TRPC6: variants seen among roughly 807,000 people sequenced by gnomAD.
The protein encoded by TRPC6 is short transient receptor potential channel 6.
TRPC6 carries 55 observed loss-of-function variants against 90.7 expected under a neutral mutation model. That is an observed-to-expected ratio of 0.61 (90% CI 0.49 to 0.76). The LOEUF (loss-of-function observed/expected upper bound fraction) is 0.76. Among genes scored for constraint, TRPC6 ranks in the 30% least tolerant of loss-of-function variants. The pLI is 0.00. For missense variants in TRPC6, 989 were observed against 1,122.7 expected (o/e 0.88, Z 1.70); for synonymous variants, 393 against 393.0 (o/e 1.00, Z 0.00).
chr11:101,558,243 A>G (rs1310529477), intron 1 of TRPC6, among the ~76,000 whole-genome samples: 6 of 128,362 alleles, frequency 4.7e-5, no homozygotes, highest in African/African-American at 1.6e-4. Context: ...ATGGGTATAC[A>G]TGTATATATG....
At chr11:101,453,548 T>C in intron 12 of TRPC6, 102 bp downstream of exon 12, 1 of 1,137,788 alleles carries the variant, frequency 8.8e-7, no homozygotes, top group Non-Finnish European at 1.3e-6. Flanking sequence ...CCCTTGAAGT[T>C]CACTCTCCCT....
intron 1 of TRPC6, among the ~76,000 whole-genome samples, chr11:101,536,034 A>C (rs1482184997): frequency 6.6e-6 from 1 of 152,240 alleles, no homozygotes; most frequent in Non-Finnish European, 1.5e-5. Context: ...GTGGGAAATA[A>C]GCAGACAGAC....
intron 1 of TRPC6, among the ~76,000 whole-genome samples, chr11:101,528,598 A>G (rs1591113130): frequency 6.6e-6 from 1 of 152,190 alleles, no homozygotes. Context: ...TTACTATTGT[A>G]TTATTGCTTG....
At chr11:101,574,301 AT>A (rs1305732349) in intron 1 of TRPC6, among the ~76,000 whole-genome samples, 1 of 151,152 alleles carries the variant, frequency 6.6e-6, no homozygotes, top group African/African-American at 2.5e-5. Context: ...AATTATGTGC[AT>A]AAGAGTTATA....
chr11:101,478,473 G>C (rs1316969699), intron 5 of TRPC6, among the ~76,000 whole-genome samples: 1 of 102,714 alleles, frequency 9.7e-6, no homozygotes, highest in Non-Finnish European at 2.0e-5. Context: ...TGTTTTCAAA[G>C]CTTCCTCCCA....
chr11:101,504,790 G>C lies in TRPC6; in HGVS notation c.179C>G (p.Ser60Cys), dbSNP rs775385197. 26 of 1,611,726 alleles carry C rather than the reference G, an allele frequency of 1.6e-5. No homozygotes were observed. Among genetic ancestry groups the C allele is most frequent in the Non-Finnish European group, 2.2e-5 (26 of 1,179,024 alleles). The change falls in exon 2 of 13, where the codon TCT becomes TGT. Residue 60 changes from serine (S) to cysteine (C), a missense_variant. Ser to Cys is a moderately radical substitution (Grantham distance 112). This residue lies in a region of TRPC6 where 194 missense variants were observed against 136.5 expected (regional missense o/e 1.42). Transcript: ENST00000344327. ...CYGYYPCFRG[S>C]DNRLAHRRQT... ...CCGCCGGTGAGCCAGTCTGTTGTCA[G>C]ATCCCCGGCTGCAATAAAACAGAAA...
intron 8 of TRPC6, among the ~76,000 whole-genome samples, chr11:101,471,704 C>A (rs940868286): frequency 6.6e-6 from 1 of 152,002 alleles, no homozygotes; most frequent in Non-Finnish European, 1.5e-5. Context: ...CTGAAATATA[C>A]CACTCATTTA....
chr11:101,503,621 A>C (rs1860182690), intron 2 of TRPC6, among the ~76,000 whole-genome samples: 1 of 152,088 alleles, frequency 6.6e-6, no homozygotes, highest in Non-Finnish European at 1.5e-5. Context: ...TGAACATGGA[A>C]ATAGTGTTTC....
chr11:101,566,151 C>T (rs10895142), intron 1 of TRPC6, among the ~76,000 whole-genome samples: 15,739 of 152,198 alleles, frequency 0.1, 1,592 homozygotes, highest in East Asian at 0.53. Flanking sequence ...TTCTAGAAGA[C>T]AGGTTACAAT....
At chr11:101,555,077 T>C (rs560134318) in intron 1 of TRPC6, among the ~76,000 whole-genome samples, 3 of 152,260 alleles carry the variant, frequency 2.0e-5, no homozygotes, top group Admixed American at 1.3e-4. Context: ...GAGCCCTCAC[T>C]CTGTGGTAGG....
At chr11:101,491,474 A>T in intron 3 of TRPC6, 82 bp downstream of exon 3, 1 of 1,542,616 alleles carries the variant, frequency 6.5e-7, no homozygotes, top group Non-Finnish European at 8.8e-7. Flanking sequence ...TCCCAGCTTA[A>T]TCTAACAATA....
Position 101,472,350 on chromosome 11 carries a change from GAAGAA to G in TRPC6, c.2010-23_2010-19del. 1 of 1,604,330 alleles carries G rather than the reference GAAGAA, an allele frequency of 6.2e-7. No individual in the cohort carries two copies. Reference sequence around the variant, plus strand: ...CTTCAACTCTGGGGAAAAAATAACAGAAGAAAAGAAATAAGAAAGTGTATAAATAA... The same window carrying G: ...CTTCAACTCTGGGGAAAAAATAACAGAAGAAATAAGAAAGTGTATAAATAA... On this transcript the variant is annotated intron_variant, in intron 7 of 12. Coordinates refer to ENST00000344327, the MANE Select transcript of TRPC6 (RefSeq NM_004621.6).
chr11:101,549,575 G>A (rs1861406361), intron 1 of TRPC6, among the ~76,000 whole-genome samples: 1 of 151,168 alleles, frequency 6.6e-6, no homozygotes, highest in Non-Finnish European at 1.5e-5. Context: ...AATAAAAAGT[G>A]GCAGAGAGAA....
intron 6 of TRPC6, among the ~76,000 whole-genome samples, chr11:101,473,991 T>C (rs994498677): frequency 6.6e-6 from 1 of 152,182 alleles, no homozygotes; most frequent in Admixed American, 6.6e-5. Flanking sequence ...CATAAGGGGA[T>C]AGCATAATAG....
At chr11:101,474,500 G>T (rs1203156617) in intron 6 of TRPC6, among the ~76,000 whole-genome samples, 1 of 152,118 alleles carries the variant, frequency 6.6e-6, no homozygotes, top group East Asian at 1.9e-4. Flanking sequence ...TTGCTTATTT[G>T]CTGAGAAGTG....
chr11:101,580,572 T>A (rs1201537823), intron 1 of TRPC6, among the ~76,000 whole-genome samples: 1 of 148,686 alleles, frequency 6.7e-6, no homozygotes, highest in East Asian at 1.9e-4. Context: ...TGAAGCCCCA[T>A]AAATATAAAT....
intron 1 of TRPC6, among the ~76,000 whole-genome samples, chr11:101,522,314 C>A (rs1397905971): frequency 2.0e-5 from 3 of 152,168 alleles, no homozygotes; most frequent in Non-Finnish European, 4.4e-5. Flanking sequence ...CCTCCCCCTT[C>A]ACTCTCTTCC....
intron 1 of TRPC6, among the ~76,000 whole-genome samples, chr11:101,555,601 G>C (rs574599498): frequency 1.3e-4 from 20 of 152,150 alleles, no homozygotes; most frequent in Non-Finnish European, 2.6e-4. Context: ...TGGAAGAAAG[G>C]ATGGTAGAAA....
At chr11:101,515,326 T>G (rs955377236) in intron 1 of TRPC6, among the ~76,000 whole-genome samples, 12 of 152,244 alleles carry the variant, frequency 7.9e-5, no homozygotes, top group Non-Finnish European at 1.3e-4. Context: ...CTTGCTGTGA[T>G]GTCAACATGG....
Sources: allele counts gnomAD v4.1 joint callset (sites outside exome capture counted in the v4.1 genomes callset), GRCh38; gene constraint gnomAD v4.1.1; regional missense constraint gnomAD v4.1.1; transcripts MANE v1.5; gene names NCBI Gene and HGNC (gene_info 2026-07-23, HGNC 2026-07-21).